Variants in COL5A2 observed in about 807,000 individuals in gnomAD.
COL5A2 encodes collagen type V alpha 2 chain.
In COL5A2, 23 loss-of-function variants were observed where a neutral mutation model predicts 208.2. That is an observed-to-expected ratio of 0.11 (90% CI 0.08 to 0.16). The LOEUF is 0.16. Among genes scored for constraint, COL5A2 ranks in the 10% least tolerant of loss-of-function variants. The probability of loss-of-function intolerance (pLI) is 1.00; values close to 1 mark genes in which losing one functional copy is unlikely to be tolerated. For synonymous variants in COL5A2, 625 were observed against 628.5 expected (o/e 0.99, Z 0.08); for missense variants, 1,590 against 1,956.4 (o/e 0.81, Z 3.53).
intron 16 of COL5A2, among the ~76,000 whole-genome samples, chr2:189,075,757 G>T (rs1686390683): frequency 6.6e-6 from 1 of 152,200 alleles, no homozygotes; most frequent in South Asian, 2.1e-4. Context: ...GAACACCTCA[G>T]TATTCTTAAT....
the COL5A2 span, among the ~76,000 whole-genome samples, chr2:189,364,970 TCTC>T: frequency 3.3e-5 from 5 of 152,164 alleles, no homozygotes; most frequent in African/African-American, 4.8e-5. Context: ...GGTCTTAACT[TCTC>T]CGTAAATCTG....
intron 1 of COL5A2, among the ~76,000 whole-genome samples, chr2:189,166,402 T>G (rs1255958392): frequency 1.3e-5 from 2 of 152,130 alleles, no homozygotes; most frequent in African/African-American, 4.8e-5. Flanking sequence ...TCTGAAATTA[T>G]TCCAGTGAAA....
the COL5A2 span, among the ~76,000 whole-genome samples, chr2:189,330,359 T>C: frequency 2.0e-5 from 3 of 152,068 alleles, no homozygotes; most frequent in Non-Finnish European, 4.4e-5. Flanking sequence ...CCAACTCACA[T>C]AGGGTAGGTA....
the COL5A2 span, among the ~76,000 whole-genome samples, chr2:189,250,941 G>A: frequency 6.6e-6 from 1 of 152,134 alleles, no homozygotes; most frequent in Admixed American, 6.5e-5. Context: ...GAATCATGAT[G>A]TGAATTTTTC....
intron 39 of COL5A2, 30 bp downstream of exon 39, chr2:189,052,881 T>G: frequency 6.2e-7 from 1 of 1,611,818 alleles, no homozygotes; most frequent in Non-Finnish European, 8.5e-7. Context: ...GGCACTTGAC[T>G]CAAGTTATGC....
At chr2:189,075,305 G>A (rs1468794340) in intron 17 of COL5A2, 88 bp downstream of exon 17, 1 of 918,544 alleles carries the variant, frequency 1.1e-6, no homozygotes, top group Non-Finnish European at 1.8e-6. Flanking sequence ...TCTGGCATGT[G>A]GTGAGTGCTC....
chr2:189,197,786 A>T (rs1170077841), intron 1 of COL5A2, among the ~76,000 whole-genome samples: 1 of 151,854 alleles, frequency 6.6e-6, no homozygotes, highest in Non-Finnish European at 1.5e-5. Flanking sequence ...AACAGAAATT[A>T]CCAGTATGGC....
the COL5A2 span, among the ~76,000 whole-genome samples, chr2:189,364,066 G>A: frequency 7.9e-5 from 12 of 152,198 alleles, no homozygotes; most frequent in Non-Finnish European, 1.5e-4. Context: ...AATGAATCCA[G>A]CCTCACCTGT....
chr2:189,130,240 C>A (rs1687684806), intron 1 of COL5A2, among the ~76,000 whole-genome samples: 1 of 151,960 alleles, frequency 6.6e-6, no homozygotes, highest in Non-Finnish European at 1.5e-5. Flanking sequence ...TATGAGTATG[C>A]TTTTAGACTA....
chr2:189,066,846 T>C (rs1686163631), intron 21 of COL5A2, 64 bp from the exon 22 acceptor site: 2 of 1,253,330 alleles, frequency 1.6e-6, no homozygotes, highest in Non-Finnish European at 2.3e-6. Context: ...CTGCTCAAAT[T>C]AGTTACAATA....
chr2:189,151,450 G>C (rs1688139791), intron 1 of COL5A2, among the ~76,000 whole-genome samples: 1 of 152,126 alleles, frequency 6.6e-6, no homozygotes, highest in Non-Finnish European at 1.5e-5. Flanking sequence ...ATTGGGTTTT[G>C]ACTGTCTTTT....
the COL5A2 span, among the ~76,000 whole-genome samples, chr2:189,382,872 C>A: frequency 6.6e-6 from 1 of 151,966 alleles, no homozygotes; most frequent in African/African-American, 2.4e-5. Flanking sequence ...TGTCACAGGG[C>A]AGGGAGGATG....
At chr2:189,078,732 T>C (rs1576512397) in intron 15 of COL5A2, among the ~76,000 whole-genome samples, 163 bp from the exon 16 acceptor site, 1 of 152,286 alleles carries the variant, frequency 6.6e-6, no homozygotes, top group African/African-American at 2.4e-5. Flanking sequence ...CATGTGGAGA[T>C]AAATAACCTA....
intron 35 of COL5A2, among the ~76,000 whole-genome samples, chr2:189,054,645 C>CT (rs1236312260): frequency 7.0e-6 from 1 of 141,866 alleles, no homozygotes; most frequent in Non-Finnish European, 1.5e-5. Flanking sequence ...CACTTTTTTA[C>CT]TTTTAAAAAT....
chr2:189,039,281 T>C lies in COL5A2; in HGVS notation c.3916A>G (p.Lys1306Glu). ...GCTGCTGTCTACTCACCACTCTGCT[T>C]TGCGGAATGGCAAAGCTTTAGGTCA... Reference protein sequence around the residue: ...CDDLKLCHSAKQSGEYWIDPN... With the variant: ...CDDLKLCHSAEQSGEYWIDPN... The change falls in exon 51 of 54, where the codon AAG becomes GAG. Residue 1306 changes from lysine (K) to glutamate (E), a missense_variant. Lys to Glu is a moderately conservative substitution (Grantham distance 56). Coordinates refer to ENST00000374866, the MANE Select transcript of COL5A2 (RefSeq NM_000393.5). 1 of 1,613,964 alleles carries C rather than the reference T, an allele frequency of 6.2e-7. No individual in the cohort carries two copies. Among genetic ancestry groups the C allele is most frequent in the Non-Finnish European group, 8.5e-7 (1 of 1,179,950 alleles).
chr2:189,077,237 C>T (rs1045338277), intron 16 of COL5A2, among the ~76,000 whole-genome samples: 2 of 152,098 alleles, frequency 1.3e-5, no homozygotes, highest in African/African-American at 4.8e-5. Flanking sequence ...GGACACCACA[C>T]CAATAACTAA....
At chr2:189,428,911 C>A in the COL5A2 span, among the ~76,000 whole-genome samples, 1 of 152,116 alleles carries the variant, frequency 6.6e-6, no homozygotes, top group African/African-American at 2.4e-5. Flanking sequence ...AAGTCAATGT[C>A]AAAAAATAGA....
chr2:189,061,728 T>A, intron 29 of COL5A2, 113 bp from the exon 30 acceptor site: 1 of 845,378 alleles, frequency 1.2e-6, no homozygotes, highest in South Asian at 1.4e-5. Context: ...CAATCACATG[T>A]TTTTCTCTTT....
At chr2:189,311,803 GA>G in the COL5A2 span, 1 of 1,038,648 alleles carries the variant, frequency 9.6e-7, no homozygotes, top group Non-Finnish European at 1.5e-6. Context: ...CTGGATGTCT[GA>G]AATGATCCTG....
Sources: allele counts gnomAD v4.1 joint callset (sites outside exome capture counted in the v4.1 genomes callset), GRCh38; gene constraint gnomAD v4.1.1; transcripts MANE v1.5; gene names NCBI Gene and HGNC (gene_info 2026-07-23, HGNC 2026-07-21).